The following OR5B2 variants were observed in gnomAD, a reference collection of about 807,000 sequenced individuals.
The protein encoded by OR5B2 is olfactory receptor family 5 subfamily B member 2.
For missense variants in OR5B2, 411 were observed against 367.0 expected (o/e 1.12, Z -0.98); for synonymous variants, 163 against 140.8 (o/e 1.16, Z -1.11).
intron 2 of OR5B2, among the ~76,000 whole-genome samples, chr11:58,423,899 G>T (rs1855311020): frequency 6.6e-6 from 1 of 152,130 alleles, no homozygotes. Flanking sequence ...GCAAACTTAG[G>T]CAGGTTTCAC....
At chr11:58,425,436 C>G (rs559526129) in intron 2 of OR5B2, among the ~76,000 whole-genome samples, 5 of 151,980 alleles carry the variant, frequency 3.3e-5, no homozygotes, top group Non-Finnish European at 7.4e-5. Context: ...ACTGCTTTTG[C>G]ACAAATTCCC....
chr11:58,425,491 C>T (rs1855326144), intron 2 of OR5B2, among the ~76,000 whole-genome samples: 2 of 151,662 alleles, frequency 1.3e-5, no homozygotes, highest in African/African-American at 4.8e-5. Context: ...TTACCTTGTG[C>T]CTGGAAAAAA....
rs1855269347 is a variant in OR5B2, at chr11:58,421,318, T to C, written c.*1014A>G. On this transcript the variant is annotated 3_prime_UTR_variant, in exon 3 of 3. Coordinates refer to ENST00000641342, the MANE Select transcript of OR5B2 (RefSeq NM_001005566.3). Reference sequence around the variant, plus strand: ...CTTCAGTAGGTACATGAATAAAGTGTGATACCACTTGACAATAGACAATAT... The same window carrying C: ...CTTCAGTAGGTACATGAATAAAGTGCGATACCACTTGACAATAGACAATAT... 6.6e-6 allele frequency: 1 copy of C among 152,048 alleles called. No individual in the cohort carries two copies. Among genetic ancestry groups the C allele is most frequent in the Non-Finnish European group, 1.5e-5 (1 of 68,000 alleles). The allele number at this position is 152,048 out of a possible 1,614,324, so 9.4% of individuals were successfully genotyped here. A position where few individuals can be genotyped will look rare whatever the true frequency, so the allele number is the denominator to read the frequency against.
rs73485945 is a variant in OR5B2, at chr11:58,422,941, C to G, written c.321G>C (p.Thr107=). Residue 107 remains threonine (T), a synonymous_variant, in exon 3 of 3, where the codon ACG becomes ACC. Coordinates refer to ENST00000641342, the MANE Select transcript of OR5B2 (RefSeq NM_001005566.3). ...VQMFFFVALA[T]VENYLLASMA... ...TTGAGGCCAACAAGTAATTTTCCAC[C>G]GTGGCCAAGGCTACAAAGAAGAACA... is the stretch of plus-strand genomic sequence containing the variant. 3 of 1,613,800 alleles carry G rather than the reference C, an allele frequency of 1.9e-6. No individual in the cohort carries two copies. The Admixed American group carries it at 5.0e-5, about 27-fold the overall frequency.
At position 58,422,987 on chromosome 11, in the gene OR5B2, TAGG is replaced by T. The variant is rs770836816; in HGVS notation, c.272_274del (p.Ser91del). 6 of 1,613,672 alleles carry T rather than the reference TAGG, an allele frequency of 3.7e-6. No individual in the cohort carries two copies. In the African/African-American group the frequency reaches 8.0e-5, roughly 22 times the overall value. ...GAACATCTGAACAGCACATGCATTG[TAGG>T]AGATGACCTTGTCTCCTCTAAGGAA... On this transcript the variant is annotated inframe_deletion, in exon 3 of 3. Coordinates refer to ENST00000641342, the MANE Select transcript of OR5B2 (RefSeq NM_001005566.3).
rs764171870 is a variant in OR5B2, at chr11:58,422,843, G to T, written c.419C>A (p.Ala140Asp). 4.2e-5 allele frequency: 67 copies of T among 1,613,618 alleles called. 1 individual carries two copies. The South Asian group carries it at 7.1e-4, about 17-fold the overall frequency. The change falls in exon 3 of 3, where the codon GCC (alanine) becomes GAC (aspartate). Residue 140 changes from alanine to aspartate, a missense_variant. Transcript: ENST00000641342. ...GACATATGAGCCTAGGGCCAGACAG[G>T]CACCTACACTGGCCGTCATGGTGGT... ...YTTTMTASVG[A>D]CLALGSYVCG...
intron 2 of OR5B2, 111 bp from the exon 3 acceptor site, chr11:58,423,400 T>C (rs4579945): frequency 0.21 from 113,781 of 530,584 alleles, 12,519 homozygotes; most frequent in Middle Eastern, 0.27. Flanking sequence ...ACTTCAAAAT[T>C]CTATAGATCT....
intron 2 of OR5B2, among the ~76,000 whole-genome samples, chr11:58,425,515 C>G (rs1045482574): frequency 1.3e-5 from 2 of 151,740 alleles, no homozygotes; most frequent in African/African-American, 4.8e-5. Context: ...GATAGTCAAT[C>G]CTGAATACTA....
In OR5B2 at chr11:58,423,178, C is replaced by T; in HGVS notation, c.84G>A (p.Leu28=). ...GAGTGAGGAGGTAGATGAAGGTGAA[C>T]AAGATAAAGAGGGGGATCTGTAGTT... ...VPELQIPLFI[L]FTFIYLLTLC... The change falls in exon 3 of 3, where the codon TTG becomes TTA. Residue 28 remains leucine, a synonymous_variant. Coordinates refer to ENST00000641342, the MANE Select transcript of OR5B2 (RefSeq NM_001005566.3). 6.2e-7 allele frequency: 1 copy of T among 1,613,542 alleles called. No homozygotes were observed. The highest frequency in any genetic ancestry group is 1.7e-4 in the Middle Eastern group (1 of 6,056).
At position 58,422,859 on chromosome 11, in the gene OR5B2, T is replaced by C. The variant is rs779786139; in HGVS notation, c.403A>G (p.Thr135Ala). The C allele has an allele frequency of 6.2e-7, 1 of 1,613,668 alleles. No individual in the cohort carries two copies. Among genetic ancestry groups the C allele is most frequent in the South Asian group, 1.1e-5 (1 of 91,060 alleles). The change falls in exon 3 of 3, where the codon ACG becomes GCG. Residue 135 changes from threonine (T) to alanine (A), a missense_variant. Physicochemically the swap from Thr to Ala is moderately conservative, Grantham distance 58 (BLOSUM62 0). Coordinates refer to ENST00000641342, the MANE Select transcript of OR5B2 (RefSeq NM_001005566.3). Reference protein sequence around the residue: ...CKPLHYTTTMTASVGACLALG... With the variant: ...CKPLHYTTTMAASVGACLALG... ...GCCAGACAGGCACCTACACTGGCCGTCATGGTGGTGGTGTAGTGTAGGGGT... is the reference window on the plus strand; with the variant it reads ...GCCAGACAGGCACCTACACTGGCCGCCATGGTGGTGGTGTAGTGTAGGGGT...
chr11:58,425,138 A>G (rs11229439), intron 2 of OR5B2, among the ~76,000 whole-genome samples: 21,073 of 151,994 alleles, frequency 0.14, 1,730 homozygotes, highest in Middle Eastern at 0.19. Context: ...ACTTACTTAG[A>G]TCCTTTTGTA....
chr11:58,423,821 T>C (rs1471024524), intron 2 of OR5B2, among the ~76,000 whole-genome samples: 1 of 152,188 alleles, frequency 6.6e-6, no homozygotes, highest in Non-Finnish European at 1.5e-5. Context: ...TCAAGCTCAA[T>C]GGTCTAAATT....
chr11:58,422,284 T>C lies in OR5B2; in HGVS notation c.*48A>G. 8.3e-7 allele frequency: 1 copy of C among 1,200,296 alleles called. No individual in the cohort carries two copies. The highest frequency in any genetic ancestry group is 2.4e-5 in the East Asian group (1 of 42,544). The allele number at this position is 1,200,296 out of a possible 1,614,324, so 74.4% of individuals were successfully genotyped here. A position where few individuals can be genotyped will look rare whatever the true frequency, so the allele number is the denominator to read the frequency against. ...CTCATTGCATGAGGAAAGTCTGAGA[T>C]GAGGGAAACAACATTTTTGTGTATA... On this transcript the variant is annotated 3_prime_UTR_variant, in exon 3 of 3. Coordinates refer to ENST00000641342, the MANE Select transcript of OR5B2 (RefSeq NM_001005566.3).
intron 2 of OR5B2, 53 bp from the exon 3 acceptor site, chr11:58,423,342 G>T (rs937124436): frequency 3.6e-6 from 3 of 828,100 alleles, no homozygotes; most frequent in African/African-American, 1.7e-5. Flanking sequence ...AAGAGATTTA[G>T]AAATATATAA....
At chr11:58,427,036 ATCACC>A (rs67217354) in intron 1 of OR5B2, among the ~76,000 whole-genome samples, 24,360 of 152,088 alleles carry the variant, frequency 0.16, 2,214 homozygotes, top group Middle Eastern at 0.21. Context: ...TCAATAAATG[ATCACC>A]AAAAGGTGAC....
chr11:58,423,356 CT>C, intron 2 of OR5B2, 67 bp from the exon 3 acceptor site: 2 of 675,356 alleles, frequency 3.0e-6, no homozygotes, highest in Non-Finnish European at 4.8e-6. Flanking sequence ...TATATAAATA[CT>C]ATATGCATTA....
rs751470983 is a variant in OR5B2, at chr11:58,422,930, T to A, written c.332A>T (p.Tyr111Phe). Residue 111 changes from tyrosine to phenylalanine, a missense_variant, in exon 3 of 3, where the codon TAC (tyrosine) becomes TTC (phenylalanine). Physicochemically the swap from Tyr to Phe is conservative, Grantham distance 22 (BLOSUM62 3). Transcript: ENST00000641342. The stretch of plus-strand genomic sequence containing the variant: ...GTCATAGGCCATTGAGGCCAACAAG[T>A]AATTTTCCACCGTGGCCAAGGCTAC... ...FFVALATVEN[Y>F]LLASMAYDRY... The A allele has an allele frequency of 3.1e-6, 5 of 1,613,610 alleles. No individual in the cohort carries two copies. The highest frequency in any genetic ancestry group is 1.1e-5 in the South Asian group (1 of 91,082).
chr11:58,422,386 G>C lies in OR5B2; in HGVS notation c.876C>G (p.Asn292Lys), dbSNP rs150993297. The stretch of plus-strand genomic sequence containing the variant: ...TCTTGAATGCATTCTGGACTTCTCT[G>C]TTCCTCAGGCTGTAGACCACAGGGT... The part of the protein sequence containing the change: ...MLNPVVYSLR[N>K]REVQNAFKKV... Residue 292 changes from asparagine to lysine, a missense_variant, in exon 3 of 3, where the codon AAC becomes AAG. Asn to Lys is a moderately conservative substitution (Grantham distance 94). Coordinates refer to ENST00000641342, the MANE Select transcript of OR5B2 (RefSeq NM_001005566.3). 6.2e-7 allele frequency: 1 copy of C among 1,613,508 alleles called. No individual in the cohort carries two copies. The highest frequency in any genetic ancestry group is 1.3e-5 in the African/African-American group (1 of 74,980).
At chr11:58,427,130 T>C (rs1190846989) in intron 1 of OR5B2, among the ~76,000 whole-genome samples, 1 of 152,160 alleles carries the variant, frequency 6.6e-6, no homozygotes, top group Admixed American at 6.6e-5. Context: ...GAACTAACAA[T>C]AATTGAGGAA....
Sources: allele counts gnomAD v4.1 joint callset (sites outside exome capture counted in the v4.1 genomes callset), GRCh38; gene constraint gnomAD v4.1.1; transcripts MANE v1.5; gene names NCBI Gene and HGNC (gene_info 2026-07-23, HGNC 2026-07-21).